UNC13C: variants seen among roughly 807,000 people sequenced by gnomAD.
UNC13C encodes the protein unc-13 homolog C, also known as protein unc-13 homolog C.
UNC13C carries 174 observed loss-of-function variants against 245.4 expected under a neutral mutation model. The observed-to-expected ratio is 0.71, with a 90% CI of 0.63 to 0.80. The LOEUF is 0.80. UNC13C is among the 30% of genes least tolerant of loss of function. The pLI is 0.00. For missense variants in UNC13C, 2,829 were observed against 2,602.9 expected (o/e 1.09, Z -1.89); for synonymous variants, 992 against 895.1 (o/e 1.11, Z -1.93).
At chr15:54,593,313 C>T (rs544012546) in intron 30 of UNC13C, among the ~76,000 whole-genome samples, 2 of 144,894 alleles carry the variant, frequency 1.4e-5, no homozygotes, top group Non-Finnish European at 3.0e-5. Context: ...TGATGAATTT[C>T]CCAGGTGTTC....
At chr15:54,024,575 A>G (rs1030333770) in intron 2 of UNC13C, among the ~76,000 whole-genome samples, 4 of 152,154 alleles carry the variant, frequency 2.6e-5, no homozygotes, top group African/African-American at 9.7e-5. Context: ...GCATTGATTG[A>G]GTTCTACACC....
chr15:53,953,979 G>A, the UNC13C span, among the ~76,000 whole-genome samples: 1 of 152,196 alleles, frequency 6.6e-6, no homozygotes, highest in Non-Finnish European at 1.5e-5. Flanking sequence ...GGTTGGGGGT[G>A]CAGGGCTCCG....
At chr15:53,935,187 A>C in the UNC13C span, among the ~76,000 whole-genome samples, 1 of 149,968 alleles carries the variant, frequency 6.7e-6, no homozygotes, top group Non-Finnish European at 1.5e-5. Context: ...ATGGTTTCTG[A>C]TTTGAGGAGG....
At chr15:54,445,759 C>T (rs535203881) in intron 19 of UNC13C, among the ~76,000 whole-genome samples, 166 of 152,146 alleles carry the variant, frequency 1.1e-3, no homozygotes, top group Non-Finnish European at 1.8e-3. Context: ...TCACTCTGAT[C>T]GTAGTTTCTT....
intron 19 of UNC13C, among the ~76,000 whole-genome samples, chr15:54,466,946 G>T (rs1394882399): frequency 6.6e-5 from 10 of 151,788 alleles, no homozygotes; most frequent in Non-Finnish European, 1.3e-4. Context: ...AAAGAAATTA[G>T]GAGACCTGTG....
intron 17 of UNC13C, among the ~76,000 whole-genome samples, chr15:54,380,509 G>A (rs2039700311): frequency 6.6e-6 from 1 of 152,074 alleles, no homozygotes; most frequent in African/African-American, 2.4e-5. Context: ...TGAATCACAT[G>A]GTAGTTCTAT....
the UNC13C span, among the ~76,000 whole-genome samples, chr15:53,969,157 A>G: frequency 2.6e-5 from 4 of 152,196 alleles, no homozygotes; most frequent in Admixed American, 2.6e-4. Context: ...CAGCAGGGGA[A>G]AGTGATTGCA....
intron 4 of UNC13C, among the ~76,000 whole-genome samples, chr15:54,223,963 T>C (rs1169338247): frequency 6.6e-6 from 1 of 152,186 alleles, no homozygotes; most frequent in Non-Finnish European, 1.5e-5. Flanking sequence ...ATAAAAATGC[T>C]ACTGATTTTT....
chr15:54,085,878 AAAAC>A (rs150244321), intron 2 of UNC13C, among the ~76,000 whole-genome samples: 6,606 of 152,226 alleles, frequency 0.043, 484 homozygotes, highest in African/African-American at 0.15. Flanking sequence ...AATGTTTAAA[AAAAC>A]AAACAATTAT....
chr15:53,870,349 C>G, the UNC13C span, among the ~76,000 whole-genome samples: 3 of 152,086 alleles, frequency 2.0e-5, no homozygotes, highest in Non-Finnish European at 4.4e-5. Context: ...TGATTGTCCC[C>G]TGATATGCAT....
intron 30 of UNC13C, among the ~76,000 whole-genome samples, chr15:54,617,169 T>C (rs1900496156): frequency 6.6e-6 from 1 of 152,000 alleles, no homozygotes; most frequent in Non-Finnish European, 1.5e-5. Context: ...CATGTGACTG[T>C]AGAGTTTAGT....
chr15:53,851,514 ATCTCTC>A, the UNC13C span, among the ~76,000 whole-genome samples: 1 of 150,640 alleles, frequency 6.6e-6, no homozygotes, highest in South Asian at 2.1e-4. Flanking sequence ...AGTAAACAGA[ATCTCTC>A]TCTCTCTCTC....
In UNC13C at chr15:54,013,849, G is replaced by T; in HGVS notation, c.946G>T (p.Gly316Cys). Residue 316 changes from glycine (G) to cysteine (C), a missense_variant, in exon 2 of 33, where the codon GGT becomes TGT. Physicochemically the swap from Gly to Cys is radical, Grantham distance 159 (BLOSUM62 -3). Transcript: ENST00000260323. Reference protein sequence around the residue: ...HDYIKHLGHMGSKASLRFLNV... With the variant: ...HDYIKHLGHMCSKASLRFLNV... The stretch of plus-strand genomic sequence containing the variant: ...TTATATTAAGCACTTAGGTCATATG[G>T]GTAGCAAGGCAAGCCTGAGATTTTT... 6.2e-7 allele frequency: 1 copy of T among 1,613,408 alleles called. No individual in the cohort carries two copies. The highest frequency in any genetic ancestry group is 8.5e-7 in the Non-Finnish European group (1 of 1,179,696).
At chr15:54,152,232 C>T (rs1243333584) in intron 4 of UNC13C, among the ~76,000 whole-genome samples, 2 of 152,188 alleles carry the variant, frequency 1.3e-5, no homozygotes, top group African/African-American at 2.4e-5. Context: ...CTGGTACTCA[C>T]TTCTGGCTTT....
intron 30 of UNC13C, among the ~76,000 whole-genome samples, chr15:54,616,102 C>T (rs1455766648): frequency 2.0e-5 from 3 of 152,012 alleles, no homozygotes; most frequent in Non-Finnish European, 4.4e-5. Context: ...TGGTGACTTA[C>T]CTCATGGATT....
At chr15:54,335,545 C>G (rs2038551358) in intron 16 of UNC13C, among the ~76,000 whole-genome samples, 2 of 152,084 alleles carry the variant, frequency 1.3e-5, no homozygotes, top group Admixed American at 6.6e-5. Flanking sequence ...TTGTGCTATA[C>G]CATTGTTGTC....
intron 2 of UNC13C, among the ~76,000 whole-genome samples, chr15:54,058,366 A>G (rs1897640895): frequency 6.6e-6 from 1 of 152,254 alleles, no homozygotes; most frequent in Non-Finnish European, 1.5e-5. Context: ...AGCTAGAAGG[A>G]ATGGATAAGT....
intron 17 of UNC13C, among the ~76,000 whole-genome samples, chr15:54,388,737 C>T (rs146056870): frequency 3.3e-4 from 50 of 152,160 alleles, no homozygotes; most frequent in South Asian, 1.9e-3. Flanking sequence ...TAGACTTTTT[C>T]TCCAAGGTTT....
At chr15:53,920,266 G>C in the UNC13C span, among the ~76,000 whole-genome samples, 2 of 151,928 alleles carry the variant, frequency 1.3e-5, no homozygotes, top group African/African-American at 4.8e-5. Context: ...TCTTTCTTTA[G>C]TCATCAACTT....
Sources: allele counts gnomAD v4.1 joint callset (sites outside exome capture counted in the v4.1 genomes callset), GRCh38; gene constraint gnomAD v4.1.1; transcripts MANE v1.5; gene names NCBI Gene and HGNC (gene_info 2026-07-23, HGNC 2026-07-21).